Variants in MAGI2 observed in about 807,000 individuals in gnomAD.
MAGI2 encodes membrane associated guanylate kinase, WW and PDZ domain containing 2, also known as membrane-associated guanylate kinase, WW and PDZ domain-containing protein 2.
A neutral mutation model predicts 133.3 loss-of-function variants in MAGI2; 35 were observed. The ratio of observed to expected loss-of-function variants is 0.26; its 90% confidence interval spans 0.20 to 0.35. MAGI2 has a LOEUF of 0.35. MAGI2 is among the 10% of genes least tolerant of loss of function. The pLI, the probability that MAGI2 is intolerant of heterozygous loss-of-function variation, is 1.00. For missense variants in MAGI2, 1,636 were observed against 1,863.4 expected (o/e 0.88, Z 2.25); for synonymous variants, 729 against 710.6 (o/e 1.03, Z -0.41).
chr7:78,762,793 A>G (rs1824642711), intron 2 of MAGI2, among the ~76,000 whole-genome samples: 1 of 152,218 alleles, frequency 6.6e-6, no homozygotes, highest in South Asian at 2.1e-4. Flanking sequence ...ATTACTATCC[A>G]GGCAGTGACC....
chr7:78,856,335 G>C (rs994309170), intron 2 of MAGI2, among the ~76,000 whole-genome samples: 6 of 152,182 alleles, frequency 3.9e-5, no homozygotes, highest in African/African-American at 1.4e-4. Context: ...ACATGCCTAT[G>C]TCCTGAATGG....
At chr7:78,178,220 G>A in intron 13 of MAGI2, 118 bp from the exon 14 acceptor site, 1 of 642,260 alleles carries the variant, frequency 1.6e-6, no homozygotes, top group African/African-American at 1.8e-5. Flanking sequence ...GTGCTGTTAG[G>A]GTCAATGGAA....
intron 1 of MAGI2, among the ~76,000 whole-genome samples, chr7:79,276,926 G>A (rs1350986160): frequency 6.6e-6 from 1 of 151,946 alleles, no homozygotes; most frequent in Non-Finnish European, 1.5e-5. Flanking sequence ...ATTGCACACT[G>A]CACTCCAGCC....
chr7:79,367,638 A>C lies in MAGI2; in HGVS notation c.301+85382T>G, dbSNP rs202042201. 3.8e-4 allele frequency among the ~76,000 whole-genome samples: 58 copies of C among 152,094 alleles called. No homozygotes were observed. The East Asian group carries it at 9.5e-3, about 25-fold the overall frequency. On this transcript the variant is annotated intron_variant, in intron 1 of 21. Transcript: ENST00000354212. ...AGTCATGGAAAATAATATATGAGAT[A>C]ATCTGTATGTTTTTAGCACAGTACC...
chr7:78,483,975 T>TAGAAAGA (rs1792702342), intron 6 of MAGI2, among the ~76,000 whole-genome samples: 1 of 151,954 alleles, frequency 6.6e-6, no homozygotes, highest in Admixed American at 6.6e-5. Flanking sequence ...TTTATCAGAT[T>TAGAAAGA]AGAAAGATAA....
chr7:78,830,953 A>G (rs1791093183), intron 2 of MAGI2, among the ~76,000 whole-genome samples: 1 of 152,196 alleles, frequency 6.6e-6, no homozygotes, highest in Non-Finnish European at 1.5e-5. Context: ...TTTGGGGAAG[A>G]GTATGGCAGT....
chr7:78,324,155 C>CT (rs35213195), intron 9 of MAGI2, among the ~76,000 whole-genome samples: 63 of 137,962 alleles, frequency 4.6e-4, no homozygotes, highest in Admixed American at 1.2e-3. Flanking sequence ...CTACACTACA[C>CT]ACTACACTAC....
chr7:79,334,660 A>G (rs1840309903), intron 1 of MAGI2, among the ~76,000 whole-genome samples: 1 of 152,194 alleles, frequency 6.6e-6, no homozygotes, highest in Non-Finnish European at 1.5e-5. Flanking sequence ...TTGTATTACC[A>G]TCTTTACCTC....
intron 20 of MAGI2, among the ~76,000 whole-genome samples, chr7:78,085,582 A>AC (rs199958434): frequency 0.12 from 13,868 of 116,506 alleles, 1,128 homozygotes; most frequent in East Asian, 0.44. Context: ...ACACACACAC[A>AC]AACAAAACAA....
chr7:78,965,271 CAT>C (rs1252920733), intron 2 of MAGI2, among the ~76,000 whole-genome samples: 10 of 151,284 alleles, frequency 6.6e-5, no homozygotes, highest in African/African-American at 2.2e-4. Flanking sequence ...AATTAAATGA[CAT>C]AGGGATATGC....
intron 7 of MAGI2, among the ~76,000 whole-genome samples, chr7:78,348,083 C>T (rs1562865950): frequency 1.3e-5 from 2 of 152,198 alleles, no homozygotes; most frequent in Admixed American, 6.5e-5. Context: ...ATTTCTGTAG[C>T]TTCACCTTTG....
chr7:78,819,288 GTT>G (rs1487475017), intron 2 of MAGI2, among the ~76,000 whole-genome samples: 1 of 152,064 alleles, frequency 6.6e-6, no homozygotes, highest in Non-Finnish European at 1.5e-5. Flanking sequence ...AGCATCTCTT[GTT>G]TTTATGTTTT....
chr7:79,025,676 A>G (rs1260113041), intron 1 of MAGI2, among the ~76,000 whole-genome samples: 1 of 152,158 alleles, frequency 6.6e-6, no homozygotes, highest in Non-Finnish European at 1.5e-5. Context: ...TTTCTTTATC[A>G]GTCTTGTCCT....
intron 9 of MAGI2, among the ~76,000 whole-genome samples, chr7:78,274,869 G>A (rs930328133): frequency 7.2e-5 from 11 of 152,176 alleles, no homozygotes; most frequent in Non-Finnish European, 1.3e-4. Flanking sequence ...ATCTTAGCTT[G>A]CTGGGCTCTG....
intron 2 of MAGI2, among the ~76,000 whole-genome samples, chr7:78,945,018 C>A (rs2151688974): frequency 1.3e-5 from 2 of 151,790 alleles, no homozygotes; most frequent in Admixed American, 1.3e-4. Flanking sequence ...GATTTACAGG[C>A]ATGAGCCACT....
rs1385517709 is a variant in MAGI2 at position 78,497,766 on chromosome 7, T to TCTGTCTATCTATCTATCTA, written c.965+3810_965+3811insTAGATAGATAGATAGACAG. Among the ~76,000 whole-genome samples, 256 of 135,420 alleles carry TCTGTCTATCTATCTATCTA rather than the reference T, an allele frequency of 1.9e-3. 3 individuals carry two copies. The highest frequency in any genetic ancestry group is 6.1e-3 in the African/African-American group (230 of 37,532). The allele number at this position is 135,420 out of a possible 152,430, so 88.8% of individuals were successfully genotyped here. ...TATCTATCTATCTATCTATCTATCT[T>TCTGTCTATCTATCTATCTA]TCTATCTTATACACAGAACCAAAGA... On this transcript the variant is annotated intron_variant, in intron 5 of 21. Coordinates refer to ENST00000354212, the MANE Select transcript of MAGI2 (RefSeq NM_012301.4).
At chr7:79,099,618 C>T (rs1416505599) in intron 1 of MAGI2, among the ~76,000 whole-genome samples, 1 of 151,938 alleles carries the variant, frequency 6.6e-6, no homozygotes, top group East Asian at 1.9e-4. Context: ...TTTCTTCTCA[C>T]CCTCCTCTCT....
At chr7:78,695,547 A>G (rs1195005669) in intron 2 of MAGI2, among the ~76,000 whole-genome samples, 1 of 152,120 alleles carries the variant, frequency 6.6e-6, no homozygotes, top group Non-Finnish European at 1.5e-5. Context: ...ATGTAGTCAT[A>G]TTTTGGGGTT....
chr7:78,599,474 C>A (rs1310298242), intron 3 of MAGI2, among the ~76,000 whole-genome samples: 2 of 152,070 alleles, frequency 1.3e-5, no homozygotes, highest in Non-Finnish European at 2.9e-5. Context: ...AATACCCATA[C>A]CCAGAGTCCT....
Sources: gnomAD v4.1 joint callset for allele counts (sites outside exome capture counted in the v4.1 genomes callset) on GRCh38, gnomAD v4.1.1 for gene constraint, MANE v1.5 for transcripts, NCBI Gene and HGNC (gene_info 2026-07-23, HGNC 2026-07-21) for gene names.